The following NXPE4 variants were observed in gnomAD, a reference collection of about 807,000 sequenced individuals.
NXPE4 encodes the protein neurexophilin and PC-esterase domain family member 4.
A neutral mutation model predicts 33.3 loss-of-function variants in NXPE4; 42 were observed. That is an observed-to-expected ratio of 1.26 (90% confidence interval 0.98 to 1.63). The LOEUF is 1.63. Among genes scored for constraint, NXPE4 ranks in the 40% most tolerant of loss-of-function variants. The pLI, the probability that NXPE4 is intolerant of heterozygous loss-of-function variation, is 0.00. For missense variants in NXPE4, 709 were observed against 647.6 expected (o/e 1.09, Z -1.03); for synonymous variants, 253 against 234.9 (o/e 1.08, Z -0.71).
At chr11:114,644,019 G>T in the NXPE4 span, among the ~76,000 whole-genome samples, 2 of 151,874 alleles carry the variant, frequency 1.3e-5, no homozygotes, top group African/African-American at 4.8e-5. Context: ...TATTCTCTTT[G>T]CAGCAATTGT....
chr11:114,597,264 G>GA (rs1410260805), upstream of NXPE4, among the ~76,000 whole-genome samples: 1 of 151,706 alleles, frequency 6.6e-6, no homozygotes, highest in Non-Finnish European at 1.5e-5. Flanking sequence ...GGAAAAGGAG[G>GA]AAAAAAAGAA....
chr11:114,649,963 A>G, the NXPE4 span, among the ~76,000 whole-genome samples: 1 of 152,224 alleles, frequency 6.6e-6, no homozygotes, highest in Non-Finnish European at 1.5e-5. Flanking sequence ...GAATTATATT[A>G]TATGTAAAAT....
At chr11:114,668,515 A>G in the NXPE4 span, among the ~76,000 whole-genome samples, 2 of 152,130 alleles carry the variant, frequency 1.3e-5, no homozygotes, top group Non-Finnish European at 2.9e-5. Flanking sequence ...TTCTACAGGT[A>G]CACACAGAAG....
chr11:114,633,192 T>C, the NXPE4 span, among the ~76,000 whole-genome samples: 2 of 130,150 alleles, frequency 1.5e-5, no homozygotes, highest in East Asian at 2.2e-4. Flanking sequence ...TTATATTTTA[T>C]TATGTATAAA....
the NXPE4 span, among the ~76,000 whole-genome samples, chr11:114,648,063 A>G: frequency 6.6e-6 from 1 of 152,170 alleles, no homozygotes; most frequent in Non-Finnish European, 1.5e-5. Context: ...TATATAAGAC[A>G]TATATTGAGT....
chr11:114,655,109 C>T, the NXPE4 span, among the ~76,000 whole-genome samples: 1 of 151,420 alleles, frequency 6.6e-6, no homozygotes, highest in African/African-American at 2.4e-5. Context: ...GTTTGTTTGC[C>T]ACGTAAATAT....
the NXPE4 span, among the ~76,000 whole-genome samples, chr11:114,657,677 C>T: frequency 2.0e-5 from 3 of 152,002 alleles, no homozygotes; most frequent in Non-Finnish European, 4.4e-5. Context: ...TATTTGAATT[C>T]ATGCATTTAA....
chr11:114,618,850 C>T, the NXPE4 span, among the ~76,000 whole-genome samples: 1 of 151,812 alleles, frequency 6.6e-6, no homozygotes, highest in African/African-American at 2.4e-5. Context: ...CCATTGGTAC[C>T]CAGTGGATCC....
the NXPE4 span, among the ~76,000 whole-genome samples, chr11:114,639,727 TATAATATAAA>T: frequency 5.7e-5 from 7 of 123,786 alleles, no homozygotes; most frequent in Non-Finnish European, 1.1e-4. Context: ...AATATAGTAA[TATAATATAAA>T]ATAATATATA....
the NXPE4 span, among the ~76,000 whole-genome samples, chr11:114,640,392 G>C: frequency 2.8e-4 from 42 of 150,138 alleles, 1 homozygote; most frequent in Non-Finnish European, 5.0e-4. Flanking sequence ...TCATGTGTTC[G>C]TCAGTTGTGA....
chr11:114,639,915 ATAT>A, the NXPE4 span, among the ~76,000 whole-genome samples: 46 of 113,984 alleles, frequency 4.0e-4, no homozygotes, highest in South Asian at 1.8e-3. Flanking sequence ...ATAAAATATA[ATAT>A]TATATTATAT....
chr11:114,620,523 A>G, the NXPE4 span, among the ~76,000 whole-genome samples: 2 of 151,624 alleles, frequency 1.3e-5, no homozygotes, highest in Non-Finnish European at 3.0e-5. Context: ...AACCACTTTA[A>G]GGCGGTAGAT....
the NXPE4 span, among the ~76,000 whole-genome samples, chr11:114,623,479 C>T: frequency 2.0e-5 from 3 of 152,006 alleles, no homozygotes; most frequent in Non-Finnish European, 4.4e-5. Flanking sequence ...ATTATTTCCT[C>T]TCGGGTAACC....
At chr11:114,614,676 G>A in the NXPE4 span, among the ~76,000 whole-genome samples, 1 of 151,682 alleles carries the variant, frequency 6.6e-6, no homozygotes, top group Non-Finnish European at 1.5e-5. Context: ...CACTGGATAA[G>A]TGTTGCCTCG....
At position 114,583,196 on chromosome 11, in the gene NXPE4, A is replaced by G. The variant is rs977586598; in HGVS notation, c.97-175T>C. ...AATATTATTTAAATTCTCCAATAAA[A>G]AGGCATAGAATGGAGATTGACTGAC... On this transcript the variant is annotated intron_variant, in intron 2 of 5. Transcript: ENST00000375478. The G allele has an allele frequency of 2.9e-5, 23 of 793,510 alleles. No individual in the cohort carries two copies. In the African/African-American group the frequency reaches 3.5e-4, roughly 12 times the overall value. 49.2% of individuals were successfully genotyped at this position (793,510 alleles called of 1,614,324 possible).
the NXPE4 span, among the ~76,000 whole-genome samples, chr11:114,663,664 TATC>T: frequency 4.1e-3 from 450 of 110,774 alleles, 3 homozygotes; most frequent in African/African-American, 0.014. Context: ...TCTATTTATC[TATC>T]ATCTATCTAT....
intron 1 of NXPE4, 25 bp from the exon 2 acceptor site, chr11:114,594,794 G>A (rs1273373647): frequency 8.6e-7 from 1 of 1,164,988 alleles, no homozygotes; most frequent in Non-Finnish European, 1.2e-6. Context: ...ACAAAAACAA[G>A]CACAAAAACA....
chr11:114,632,215 A>G, the NXPE4 span, among the ~76,000 whole-genome samples: 1,412 of 140,688 alleles, frequency 0.01, 31 homozygotes, highest in African/African-American at 0.033. Context: ...TTATATATGT[A>G]TATGTATATA....
chr11:114,651,361 C>T, the NXPE4 span, among the ~76,000 whole-genome samples: 9 of 151,892 alleles, frequency 5.9e-5, no homozygotes, highest in African/African-American at 1.9e-4. Context: ...GTTGTTTGTT[C>T]CTCCTGGTGG....
Sources: allele counts gnomAD v4.1 joint callset (sites outside exome capture counted in the v4.1 genomes callset), GRCh38; gene constraint gnomAD v4.1.1; transcripts MANE v1.5; gene names NCBI Gene and HGNC (gene_info 2026-07-23, HGNC 2026-07-21).